The following PLEKHA5 variants were observed in gnomAD, a reference collection of about 807,000 sequenced individuals.
PLEKHA5 encodes pleckstrin homology domain-containing family A member 5.
Under a neutral mutation model 181.9 loss-of-function variants are expected in PLEKHA5, and 55 were observed. The ratio of observed to expected loss-of-function variants is 0.30; its 90% CI spans 0.24 to 0.38. The LOEUF is 0.38. PLEKHA5 is among the 10% of genes least tolerant of loss of function. The pLI is 1.00. For synonymous variants in PLEKHA5, 535 were observed against 529.4 expected, an observed-to-expected ratio of 1.01 and a Z score of -0.15; for missense variants, 1,432 against 1,549.5, an observed-to-expected ratio of 0.92 and a Z score of 1.27.
intron 3 of PLEKHA5, among the ~76,000 whole-genome samples, chr12:19,144,341 A>G (rs1412026121): frequency 6.6e-6 from 1 of 152,166 alleles, no homozygotes; most frequent in Admixed American, 6.5e-5. Context: ...GGTATAACTG[A>G]GGTCATGAGT....
At chr12:19,174,980 C>T (rs1222968037) in intron 3 of PLEKHA5, among the ~76,000 whole-genome samples, 1 of 152,036 alleles carries the variant, frequency 6.6e-6, no homozygotes, top group Non-Finnish European at 1.5e-5. Context: ...AGTTGATTCC[C>T]ATTAAGAAAA....
intron 20 of PLEKHA5, among the ~76,000 whole-genome samples, chr12:19,328,771 A>G (rs907569013): frequency 6.6e-6 from 1 of 152,070 alleles, no homozygotes; most frequent in South Asian, 2.1e-4. Context: ...TATAGGTCAC[A>G]TTGTCCGTGA....
intron 3 of PLEKHA5, chr12:19,154,135 G>T (rs192602206): frequency 1.3e-5 from 2 of 152,162 alleles, no homozygotes; most frequent in Non-Finnish European, 2.9e-5. Flanking sequence ...CTCCACCTCC[G>T]GTAGTACTTG....
At chr12:19,187,010 C>A (rs537620425) in intron 3 of PLEKHA5, among the ~76,000 whole-genome samples, 1 of 152,244 alleles carries the variant, frequency 6.6e-6, no homozygotes, top group South Asian at 2.1e-4. Context: ...TTCTTTTATT[C>A]CACCTGCATT....
chr12:19,230,928 G>T (rs970671860), intron 3 of PLEKHA5, among the ~76,000 whole-genome samples: 1 of 152,192 alleles, frequency 6.6e-6, no homozygotes, highest in African/African-American at 2.4e-5. Flanking sequence ...GGTGAGTAAA[G>T]GACAACTTAT....
chr12:19,334,832 ATATATAT>A (rs1565630055), intron 20 of PLEKHA5, among the ~76,000 whole-genome samples: 265 of 25,342 alleles, frequency 0.01, 44 homozygotes, highest in African/African-American at 0.021. Flanking sequence ...AAAAAAAAAT[ATATATAT>A]ATATATATAT....
intron 29 of PLEKHA5, among the ~76,000 whole-genome samples, chr12:19,363,343 T>A (rs555049146): frequency 1.5e-3 from 222 of 151,540 alleles, no homozygotes; most frequent in Middle Eastern, 3.4e-3. Flanking sequence ...TTTTTTTTTT[T>A]ATTTTTAGTA....
At chr12:19,179,483 AG>A (rs1165137335) in intron 3 of PLEKHA5, among the ~76,000 whole-genome samples, 1 of 151,992 alleles carries the variant, frequency 6.6e-6, no homozygotes, top group Non-Finnish European at 1.5e-5. Flanking sequence ...ATGGAGCGAA[AG>A]CCCGTCTTTA....
intron 21 of PLEKHA5, among the ~76,000 whole-genome samples, chr12:19,339,906 GT>G (rs1278203106): frequency 6.6e-6 from 1 of 152,116 alleles, no homozygotes; most frequent in Non-Finnish European, 1.5e-5. Flanking sequence ...ATAAGTGTTT[GT>G]TAAATAAATA....
chr12:19,343,734 G>A (rs990085216), intron 22 of PLEKHA5, among the ~76,000 whole-genome samples: 1 of 152,146 alleles, frequency 6.6e-6, no homozygotes, highest in Admixed American at 6.6e-5. Context: ...ACTCTGACAT[G>A]AGGGCAACAA....
At chr12:19,191,789 C>G (rs539775961) in intron 3 of PLEKHA5, among the ~76,000 whole-genome samples, 4 of 152,232 alleles carry the variant, frequency 2.6e-5, no homozygotes, top group African/African-American at 9.6e-5. Context: ...GCTGGAGGAT[C>G]ACGTGTCTGG....
At chr12:19,179,231 C>G (rs1394451109) in intron 3 of PLEKHA5, among the ~76,000 whole-genome samples, 2 of 152,118 alleles carry the variant, frequency 1.3e-5, no homozygotes, top group Non-Finnish European at 2.9e-5. Context: ...GTTGTTAGGG[C>G]CTCTGTTTAA....
At position 19,369,685 on chromosome 12, in the gene PLEKHA5, T is replaced by A; in HGVS notation, c.3755-8T>A. On this transcript the variant is annotated splice_polypyrimidine_tract_variant and splice_region_variant and intron_variant, in intron 30 of 31. Transcript: ENST00000429027. The stretch of plus-strand genomic sequence containing the variant: ...TTTATCTTCTCCCATTTTCTTTGTG[T>A]GTTTTAGTGAAAAGTCTGTCCCCAT... 1 of 1,571,356 alleles carries A rather than the reference T, an allele frequency of 6.4e-7. No homozygotes were observed. The highest frequency in any genetic ancestry group is 8.7e-7 in the Non-Finnish European group (1 of 1,148,528).
intron 3 of PLEKHA5, among the ~76,000 whole-genome samples, chr12:19,214,144 A>G (rs2057490601): frequency 6.6e-6 from 1 of 152,206 alleles, no homozygotes; most frequent in Non-Finnish European, 1.5e-5. Flanking sequence ...ACAAATGTCT[A>G]GCTGCTGTGT....
chr12:19,224,658 G>C (rs1170158023), intron 3 of PLEKHA5, among the ~76,000 whole-genome samples: 1 of 152,062 alleles, frequency 6.6e-6, no homozygotes, highest in Non-Finnish European at 1.5e-5. Context: ...CAGAATTTTA[G>C]ACAATTTGCT....
chr12:19,269,395 GAAAAA>G (rs66531923), intron 8 of PLEKHA5, among the ~76,000 whole-genome samples: 19 of 105,852 alleles, frequency 1.8e-4, no homozygotes, highest in African/African-American at 5.7e-4. Flanking sequence ...TCAAAAAAAA[GAAAAA>G]AAAAAAAAAA....
chr12:19,141,039 C>A (rs960107725), intron 3 of PLEKHA5, among the ~76,000 whole-genome samples: 1 of 152,188 alleles, frequency 6.6e-6, no homozygotes, highest in Admixed American at 6.5e-5. Flanking sequence ...GGTCATCCAC[C>A]TGCCTTGGCC....
At chr12:19,155,224 T>C (rs769681644) in intron 3 of PLEKHA5, among the ~76,000 whole-genome samples, 15 of 152,182 alleles carry the variant, frequency 9.9e-5, no homozygotes, top group Admixed American at 2.0e-4. Flanking sequence ...AATAAATATG[T>C]TTTTATAATA....
rs1010794051 is a variant in PLEKHA5, at chr12:19,359,481, A to C, written c.3418A>C (p.Thr1140Pro). The change falls in exon 28 of 32, where the codon ACT (threonine) becomes CCT (proline). Residue 1140 changes from threonine (T) to proline (P), a missense_variant. By Grantham distance (38) the Thr-to-Pro change is conservative. Coordinates refer to ENST00000429027, the MANE Select transcript of PLEKHA5 (RefSeq NM_001256470.2). Reference protein sequence around the residue: ...RENDVKPDHETPATEIVQLKE... With the variant: ...RENDVKPDHEPPATEIVQLKE... Reference sequence around the variant, plus strand: ...AAATGATGTAAAGCCAGACCATGAAACTCCTGCAACAGAAATTGTTCAACT... The same window carrying C: ...AAATGATGTAAAGCCAGACCATGAACCTCCTGCAACAGAAATTGTTCAACT... 1 of 1,613,682 alleles carries C rather than the reference A, an allele frequency of 6.2e-7. No homozygotes were observed. Among genetic ancestry groups the C allele is most frequent in the Admixed American group, 1.7e-5 (1 of 59,982 alleles).
Sources: gnomAD v4.1 joint callset for allele counts (sites outside exome capture counted in the v4.1 genomes callset) on GRCh38, gnomAD v4.1.1 for gene constraint, MANE v1.5 for transcripts, NCBI Gene and HGNC (gene_info 2026-07-23, HGNC 2026-07-21) for gene names.